Variants in ASB3 observed in about 807,000 individuals in gnomAD.
ASB3 encodes the protein ankyrin repeat and SOCS box containing 3, also known as ankyrin repeat and SOCS box protein 3.
Under a neutral mutation model 54.5 loss-of-function variants are expected in ASB3, and 41 were observed. The ratio of observed to expected loss-of-function variants is 0.75; its 90% CI spans 0.59 to 0.98. The LOEUF (loss-of-function observed/expected upper bound fraction) is 0.98. Ranked by LOEUF, ASB3 falls within the 50% of genes least tolerant of loss-of-function variation. The pLI is 0.00. For synonymous variants in ASB3, 266 were observed against 221.2 expected, an observed-to-expected ratio of 1.20 and a Z score of -1.80; for missense variants, 733 against 620.0, an observed-to-expected ratio of 1.18 and a Z score of -1.94.
intron 1 of ASB3, among the ~76,000 whole-genome samples, chr2:53,772,947 A>G (rs1339976590): frequency 6.6e-6 from 1 of 152,170 alleles, no homozygotes. Flanking sequence ...TATTTAACCA[A>G]CAATCCTCAG....
intron 1 of ASB3, among the ~76,000 whole-genome samples, chr2:53,772,214 G>C (rs532606537): frequency 6.6e-6 from 1 of 151,948 alleles, no homozygotes; most frequent in Non-Finnish European, 1.5e-5. Flanking sequence ...TAGCTCTGTC[G>C]CCCAGGCTGG....
chr2:53,724,338 G>A (rs532623196), intron 5 of ASB3, among the ~76,000 whole-genome samples: 4 of 152,304 alleles, frequency 2.6e-5, no homozygotes, highest in East Asian at 1.9e-4. Context: ...ATTGGCTCAC[G>A]CCTGTAATCT....
intron 9 of ASB3, among the ~76,000 whole-genome samples, chr2:53,690,232 T>A (rs1668836515): frequency 6.6e-6 from 1 of 151,198 alleles, no homozygotes; most frequent in South Asian, 2.1e-4. Flanking sequence ...CAAGACCCTG[T>A]CCCCCCAAAT....
At chr2:53,751,566 T>C (rs1395832329) in intron 2 of ASB3, among the ~76,000 whole-genome samples, 1 of 152,110 alleles carries the variant, frequency 6.6e-6, no homozygotes, top group East Asian at 1.9e-4. Flanking sequence ...AACACTCAAA[T>C]TATACAAATG....
Position 53,688,282 on chromosome 2 carries a change from G to A in ASB3, c.1369+5602C>T, listed in dbSNP as rs142300810. Among the ~76,000 whole-genome samples the A allele has an allele frequency of 3.0e-3, 456 of 152,322 alleles. 2 individuals are homozygous for A. The highest frequency in any genetic ancestry group is 0.01 in the Middle Eastern group (3 of 294). On this transcript the variant is annotated intron_variant, in intron 9 of 9. Coordinates refer to ENST00000263634, the MANE Select transcript of ASB3 (RefSeq NM_016115.5). ...ACTTCTTGCTCATGCAAAATCCTCT[G>A]CAGGTCAGGCAATTCTCCTAAAATG...
At chr2:53,742,493 T>C (rs1250657504) in intron 3 of ASB3, among the ~76,000 whole-genome samples, 2 of 149,972 alleles carry the variant, frequency 1.3e-5, no homozygotes, top group East Asian at 2.0e-4. Context: ...CAAAGGAAAA[T>C]TGTAGCTAAA....
At chr2:53,721,100 G>C (rs917672507) in intron 5 of ASB3, among the ~76,000 whole-genome samples, 2 of 150,422 alleles carry the variant, frequency 1.3e-5, no homozygotes, top group African/African-American at 2.5e-5. Context: ...TCTGGGTACA[G>C]AGCAAGACCC....
chr2:53,706,447 C>T (rs1669774569), intron 7 of ASB3, among the ~76,000 whole-genome samples: 1 of 145,552 alleles, frequency 6.9e-6, no homozygotes, highest in African/African-American at 2.5e-5. Flanking sequence ...AAGGCAGCTT[C>T]TTTTTTTTTT....
intron 8 of ASB3, among the ~76,000 whole-genome samples, chr2:53,696,305 T>C (rs1669178616): frequency 6.6e-6 from 1 of 152,214 alleles, no homozygotes; most frequent in Non-Finnish European, 1.5e-5. Context: ...CTTAATTCTT[T>C]TCTATTTCAC....
At chr2:53,756,327 C>T (rs1308449709) in intron 2 of ASB3, among the ~76,000 whole-genome samples, 1 of 152,140 alleles carries the variant, frequency 6.6e-6, no homozygotes, top group Non-Finnish European at 1.5e-5. Flanking sequence ...ACTATATTCC[C>T]TTTCTTTGCT....
At chr2:53,692,933 A>G (rs1002981866) in intron 9 of ASB3, among the ~76,000 whole-genome samples, 1 of 152,188 alleles carries the variant, frequency 6.6e-6, no homozygotes, top group African/African-American at 2.4e-5. Context: ...TCTTTAACAG[A>G]AACCTCTCTT....
chr2:53,756,813 C>A, intron 2 of ASB3: 1 of 153,172 alleles, frequency 6.5e-6, no homozygotes, highest in South Asian at 1.8e-4. Context: ...TCTACCCCTC[C>A]GATCTGGCAG....
intron 7 of ASB3, among the ~76,000 whole-genome samples, chr2:53,708,849 G>C (rs1572882861): frequency 6.6e-6 from 1 of 152,198 alleles, no homozygotes; most frequent in African/African-American, 2.4e-5. Flanking sequence ...AAGCAGCAAA[G>C]CAGCCTGTCT....
chr2:53,725,490 T>C (rs1670945088), intron 5 of ASB3, among the ~76,000 whole-genome samples: 1 of 152,232 alleles, frequency 6.6e-6, no homozygotes, highest in African/African-American at 2.4e-5. Context: ...AATTAAATTA[T>C]ATATACGCCA....
intron 5 of ASB3, 130 bp downstream of exon 5, chr2:53,728,576 TTTACTC>T: frequency 8.5e-7 from 1 of 1,170,600 alleles, no homozygotes; most frequent in Admixed American, 3.2e-5. Flanking sequence ...TCAATTTGTA[TTTACTC>T]TTATTTACCA....
At chr2:53,692,421 G>A (rs911837092) in intron 9 of ASB3, among the ~76,000 whole-genome samples, 2 of 152,122 alleles carry the variant, frequency 1.3e-5, no homozygotes, top group African/African-American at 4.8e-5. Flanking sequence ...AAACAAACCA[G>A]AAAACCATTA....
chr2:53,697,835 T>A (rs1162369490), intron 8 of ASB3, among the ~76,000 whole-genome samples: 1 of 152,168 alleles, frequency 6.6e-6, no homozygotes, highest in Non-Finnish European at 1.5e-5. Flanking sequence ...CTCAGGAAGC[T>A]CCACCCCTAT....
At chr2:53,763,656 T>C (rs1219988520) in intron 2 of ASB3, 1 of 169,592 alleles carries the variant, frequency 5.9e-6, no homozygotes, top group Non-Finnish European at 1.5e-5. Flanking sequence ...GTCAAAAGCA[T>C]GCCCAAGTTT....
intron 8 of ASB3, among the ~76,000 whole-genome samples, chr2:53,698,467 A>C (rs1050049524): frequency 1.3e-5 from 2 of 152,090 alleles, no homozygotes; most frequent in African/African-American, 2.4e-5. Context: ...TTATGTCCTA[A>C]GTCATTCCTT....
Sources: allele counts gnomAD v4.1 joint callset (sites outside exome capture counted in the v4.1 genomes callset), GRCh38; gene constraint gnomAD v4.1.1; transcripts MANE v1.5; gene names NCBI Gene and HGNC (gene_info 2026-07-23, HGNC 2026-07-21).